The following MVB12B variants were observed in gnomAD, a reference collection of about 807,000 sequenced individuals.
The protein encoded by MVB12B is multivesicular body subunit 12B.
MVB12B carries 16 observed loss-of-function variants against 41.6 expected under a neutral mutation model. The ratio of observed to expected loss-of-function variants is 0.38; its 90% CI spans 0.26 to 0.58. The LOEUF (loss-of-function observed/expected upper bound fraction) is 0.58. Ranked by LOEUF, MVB12B falls within the 20% of genes least tolerant of loss-of-function variation. MVB12B has a pLI of 0.62. For missense variants in MVB12B, 274 were observed against 380.2 expected, an observed-to-expected ratio of 0.72 and a Z score of 2.32; for synonymous variants, 133 against 139.7, an observed-to-expected ratio of 0.95 and a Z score of 0.34.
chr9:126,362,876 A>G (rs565270085), intron 2 of MVB12B, among the ~76,000 whole-genome samples: 48 of 152,290 alleles, frequency 3.2e-4, no homozygotes, highest in Non-Finnish European at 6.0e-4. Flanking sequence ...TGTGGTTTAC[A>G]TGTTTTGCAT....
chr9:126,464,899 T>G (rs1020521985), intron 7 of MVB12B, among the ~76,000 whole-genome samples: 2 of 152,176 alleles, frequency 1.3e-5, no homozygotes, highest in Non-Finnish European at 2.9e-5. Context: ...AGGGCCATTG[T>G]GAGGTTTATA....
chr9:126,428,441 A>C (rs1337294470), intron 7 of MVB12B, among the ~76,000 whole-genome samples: 1 of 152,162 alleles, frequency 6.6e-6, no homozygotes, highest in Admixed American at 6.5e-5. Context: ...AGCATACCAA[A>C]CAATTCCAAA....
intron 4 of MVB12B, among the ~76,000 whole-genome samples, chr9:126,387,502 G>C (rs1830831731): frequency 6.6e-6 from 1 of 152,200 alleles, no homozygotes; most frequent in South Asian, 2.1e-4. Flanking sequence ...GTTTTTTGCT[G>C]TTTTCTTGCT....
At position 126,486,740 on chromosome 9, in the gene MVB12B, A is replaced by T. The variant is rs955872288; in HGVS notation, c.873+2708A>T. Among the ~76,000 whole-genome samples the T allele has an allele frequency of 6.6e-6, 1 of 152,130 alleles. No individual in the cohort carries two copies. Among genetic ancestry groups the T allele is most frequent in the African/African-American group, 2.4e-5 (1 of 41,430 alleles). ...CTCCCTGTGTCGTGGGGAGAAATGG[A>T]GACTCCGAGAGGTGGAGTAACTGGC... On this transcript the variant is annotated intron_variant, in intron 9 of 9. Coordinates refer to ENST00000361171, the MANE Select transcript of MVB12B (RefSeq NM_033446.3). The surrounding 1 kb of genome is among the most constrained non-coding windows in gnomAD (Gnocchi z 4.7).
At chr9:126,499,265 C>CCAGGACCCCTGG (rs1453032177) in intron 9 of MVB12B, among the ~76,000 whole-genome samples, 10 of 151,998 alleles carry the variant, frequency 6.6e-5, no homozygotes, top group African/African-American at 1.7e-4. Context: ...GGCAGAGCCT[C>CCAGGACCCCTGG]CAGGACCCCT....
intron 7 of MVB12B, among the ~76,000 whole-genome samples, chr9:126,440,648 C>A (rs531677179): frequency 1.3e-5 from 2 of 152,040 alleles, no homozygotes; most frequent in Non-Finnish European, 2.9e-5. Context: ...CAAAAAAAAT[C>A]TGTTTTGGTA....
chr9:126,351,452 A>T, intron 2 of MVB12B, among the ~76,000 whole-genome samples: 1 of 141,088 alleles, frequency 7.1e-6, no homozygotes, highest in African/African-American at 2.6e-5. Context: ...CTTATTGCTG[A>T]TCATAGGTGG....
chr9:126,475,850 C>A (rs1588200578), intron 7 of MVB12B, among the ~76,000 whole-genome samples: 1 of 152,276 alleles, frequency 6.6e-6, no homozygotes, highest in East Asian at 1.9e-4. Context: ...GACAGTGAGA[C>A]CCCCATCTCT....
At chr9:126,415,213 A>G (rs1418327223) in intron 6 of MVB12B, among the ~76,000 whole-genome samples, 4 of 152,096 alleles carry the variant, frequency 2.6e-5, no homozygotes, top group Non-Finnish European at 5.9e-5. Context: ...TCCTTAGACA[A>G]TCCAACCTGT....
intron 7 of MVB12B, among the ~76,000 whole-genome samples, chr9:126,465,483 G>A (rs1012576822): frequency 1.3e-5 from 2 of 152,184 alleles, no homozygotes; most frequent in African/African-American, 2.4e-5. Context: ...TTTACTCTCA[G>A]ATGGGGGCAC....
chr9:126,474,378 C>T (rs973060365), intron 7 of MVB12B, among the ~76,000 whole-genome samples: 1 of 152,208 alleles, frequency 6.6e-6, no homozygotes, highest in Admixed American at 6.5e-5. Flanking sequence ...GAAGCCAGGA[C>T]GGAGATGATT....
intron 7 of MVB12B, among the ~76,000 whole-genome samples, chr9:126,433,581 G>A (rs1305525588): frequency 2.0e-5 from 3 of 151,974 alleles, no homozygotes; most frequent in Non-Finnish European, 4.4e-5. Context: ...CTGCCCATGG[G>A]CAGGGCTCTA....
chr9:126,392,613 G>C lies in MVB12B; in HGVS notation c.539+418G>C, dbSNP rs1226374640. ...TGTCACAGAGCTGATGTTCTAAAAG[G>C]GACAGACGAGCAATAAACAAGAAAA... On this transcript the variant is annotated intron_variant, in intron 5 of 9. Transcript: ENST00000361171. This position sits in a 1 kb window ranked among gnomAD's most constrained non-coding sequence, Gnocchi z 4.8. Among the ~76,000 whole-genome samples the C allele has an allele frequency of 6.6e-6, 1 of 152,214 alleles. No homozygotes were observed. Among genetic ancestry groups the C allele is most frequent in the Admixed American group, 6.5e-5 (1 of 15,284 alleles).
At chr9:126,495,499 A>G (rs1327224833) in intron 9 of MVB12B, among the ~76,000 whole-genome samples, 1 of 152,230 alleles carries the variant, frequency 6.6e-6, no homozygotes, top group East Asian at 1.9e-4. Flanking sequence ...CACAAGTACG[A>G]GAAACGTTTT....
At chr9:126,466,382 G>A (rs751345159) in intron 7 of MVB12B, among the ~76,000 whole-genome samples, 1 of 152,222 alleles carries the variant, frequency 6.6e-6, no homozygotes. Context: ...GTCTCTGCTG[G>A]TGTCATAACT....
At chr9:126,496,620 A>G (rs1197394075) in intron 9 of MVB12B, among the ~76,000 whole-genome samples, 1 of 152,056 alleles carries the variant, frequency 6.6e-6, no homozygotes, top group Non-Finnish European at 1.5e-5. Context: ...TTCCCAGAGC[A>G]AGTGCCCCTT....
intron 7 of MVB12B, among the ~76,000 whole-genome samples, chr9:126,454,607 T>C (rs1832943605): frequency 6.6e-6 from 1 of 152,218 alleles, no homozygotes; most frequent in Non-Finnish European, 1.5e-5. Flanking sequence ...GCCAGGGGTA[T>C]GGACCTTGCA....
chr9:126,501,120 C>T (rs1395992444), intron 9 of MVB12B, among the ~76,000 whole-genome samples: 1 of 152,238 alleles, frequency 6.6e-6, no homozygotes, highest in Non-Finnish European at 1.5e-5. Flanking sequence ...CTCCCGGAGC[C>T]GGAGTCTCCT....
intron 7 of MVB12B, among the ~76,000 whole-genome samples, chr9:126,430,492 C>A (rs1441032813): frequency 6.6e-6 from 1 of 152,116 alleles, no homozygotes; most frequent in African/African-American, 2.4e-5. Flanking sequence ...GTTTACCCCA[C>A]ACTACTCTGT....
Sources: allele counts gnomAD v4.1 joint callset (sites outside exome capture counted in the v4.1 genomes callset), GRCh38; gene constraint gnomAD v4.1.1; non-coding constraint Gnocchi (gnomAD v3.1); transcripts MANE v1.5; gene names NCBI Gene and HGNC (gene_info 2026-07-23, HGNC 2026-07-21).